The following TENM1 variants were observed in gnomAD, a reference collection of about 807,000 sequenced individuals.
TENM1 encodes the protein teneurin transmembrane protein 1, also known as teneurin-1.
Under a neutral mutation model 174.8 loss-of-function variants are expected in TENM1, and 35 were observed. The observed-to-expected ratio is 0.20, with a 90% CI of 0.15 to 0.27. The LOEUF (loss-of-function observed/expected upper bound fraction) is 0.27. Ranked by LOEUF, TENM1 falls within the 10% of genes least tolerant of loss-of-function variation. The probability of loss-of-function intolerance (pLI) is 1.00; values close to 1 mark genes in which losing one functional copy is unlikely to be tolerated. For missense variants in TENM1, 1,633 were observed against 2,130.1 expected (o/e 0.77, Z 4.59); for synonymous variants, 781 against 798.7 (o/e 0.98, Z 0.37).
intron 1 of TENM1, among the ~76,000 whole-genome samples, chrX:124,961,950 A>G (rs2058660320): frequency 1.8e-5 from 2 of 111,885 alleles, no homozygotes; most frequent in Admixed American, 1.9e-4. Context: ...GAAAATGGAA[A>G]GGAGAAAATG....
chrX:124,724,821 G>A (rs997684635), intron 4 of TENM1, among the ~76,000 whole-genome samples: 4 of 111,278 alleles, frequency 3.6e-5, no homozygotes, highest in African/African-American at 1.3e-4. Flanking sequence ...TGTTGAAATC[G>A]AATCCCCAAT....
intron 6 of TENM1, among the ~76,000 whole-genome samples, chrX:124,668,148 A>G (rs2051819935): frequency 9.0e-6 from 1 of 111,411 alleles, no homozygotes; most frequent in Non-Finnish European, 1.9e-5. Context: ...TTCTTTGTAG[A>G]TTCTGGATAT....
At chrX:124,804,263 T>A (rs2055533702) in intron 3 of TENM1, among the ~76,000 whole-genome samples, 1 of 112,124 alleles carries the variant, frequency 8.9e-6, no homozygotes, top group African/African-American at 3.2e-5. Context: ...ACATTTTTCA[T>A]GTTTAAAAAA....
the TENM1 span, among the ~76,000 whole-genome samples, chrX:125,152,148 G>A: frequency 9.1e-6 from 1 of 109,546 alleles, no homozygotes; most frequent in Non-Finnish European, 1.9e-5. Flanking sequence ...CCAGCTACTC[G>A]GGAGGCTGAG....
At chrX:124,517,433 C>A (rs1371972239) in intron 18 of TENM1, among the ~76,000 whole-genome samples, 1 of 109,579 alleles carries the variant, frequency 9.1e-6, no homozygotes, top group African/African-American at 3.3e-5. Flanking sequence ...CAATGATAGA[C>A]TGGATTAAGA....
intron 11 of TENM1, among the ~76,000 whole-genome samples, chrX:124,629,711 T>G (rs1331969861): frequency 8.9e-6 from 1 of 112,184 alleles, no homozygotes. Flanking sequence ...GGCCTGGGAT[T>G]TGAGTTCATT....
intron 3 of TENM1, among the ~76,000 whole-genome samples, chrX:124,843,104 T>G (rs893285326): frequency 3.6e-5 from 4 of 111,379 alleles, no homozygotes; most frequent in Admixed American, 2.9e-4. Flanking sequence ...GAGTATCATT[T>G]TTGCCTTGTC....
At chrX:125,088,734 A>C in the TENM1 span, among the ~76,000 whole-genome samples, 1 of 110,752 alleles carries the variant, frequency 9.0e-6, no homozygotes, top group African/African-American at 3.3e-5. Context: ...TCTAAAAGTC[A>C]ATGTGAGATA....
chrX:124,972,057 A>G, the TENM1 span, among the ~76,000 whole-genome samples: 4 of 109,181 alleles, frequency 3.7e-5, no homozygotes, highest in Non-Finnish European at 7.6e-5. Flanking sequence ...ACATGGTGAA[A>G]CCCCGTCTCT....
At chrX:124,755,294 G>C (rs1273178028) in intron 3 of TENM1, among the ~76,000 whole-genome samples, 2 of 110,471 alleles carry the variant, frequency 1.8e-5, no homozygotes, top group African/African-American at 3.3e-5. Flanking sequence ...TGTTTTATCA[G>C]AGACTAGGAT....
At chrX:124,499,459 T>C (rs2047277071) in intron 19 of TENM1, among the ~76,000 whole-genome samples, 1 of 111,976 alleles carries the variant, frequency 8.9e-6, no homozygotes, top group Non-Finnish European at 1.9e-5. Flanking sequence ...TGGCTACTTT[T>C]GCAACACATG....
chrX:125,051,159 AAGG>A, the TENM1 span, among the ~76,000 whole-genome samples: 1 of 111,633 alleles, frequency 9.0e-6, no homozygotes, highest in African/African-American at 3.3e-5. Context: ...GGACCTCTTC[AAGG>A]AGAACTACAA....
At chrX:124,890,711 A>C (rs1486656650) in intron 3 of TENM1, among the ~76,000 whole-genome samples, 1 of 110,658 alleles carries the variant, frequency 9.0e-6, no homozygotes, top group Non-Finnish European at 1.9e-5. Context: ...AAATGGGAAC[A>C]CTTATATACT....
At position 124,884,724 on chromosome X, in the gene TENM1, T is replaced by C. The variant is rs1456663616; in HGVS notation, c.535+9572A>G. ...GATTACTAGCTATTTTGGTTCTTCT[T>C]TGTGGAGGAGGTAAGTACCAGATGC... On this transcript the variant is annotated intron_variant, in intron 3 of 31. Coordinates refer to ENST00000422452, the Ensembl canonical transcript of TENM1. Among the ~76,000 whole-genome samples, 2 of 112,127 alleles carry C rather than the reference T, an allele frequency of 1.8e-5. 1 individual carries two copies.
intron 1 of TENM1, among the ~76,000 whole-genome samples, chrX:124,955,269 C>T (rs778777283): frequency 5.4e-5 from 6 of 111,180 alleles, no homozygotes; most frequent in African/African-American, 1.6e-4. Flanking sequence ...TGCCTGAGTC[C>T]CGCCCACTGG....
chrX:124,651,887 T>C, intron 8 of TENM1, 27 bp downstream of exon 11: 1 of 1,199,289 alleles, frequency 8.3e-7, no homozygotes, highest in Non-Finnish European at 1.1e-6. Context: ...GAACTGTCAA[T>C]TCAACATATT....
chrX:124,671,616 C>A (rs758882497), intron 6 of TENM1, 67 bp downstream of exon 9: 29 of 1,050,353 alleles, frequency 2.8e-5, no homozygotes, highest in Non-Finnish European at 3.5e-5. Context: ...GAAACCATCC[C>A]AGCTACAGTT....
chrX:124,904,026 C>A (rs1265438280), intron 1 of TENM1, among the ~76,000 whole-genome samples: 4 of 111,185 alleles, frequency 3.6e-5, no homozygotes, highest in Non-Finnish European at 5.7e-5. Flanking sequence ...ATTATGTTCA[C>A]TAAGTATGTG....
At chrX:124,973,251 C>T in the TENM1 span, among the ~76,000 whole-genome samples, 2 of 111,218 alleles carry the variant, frequency 1.8e-5, no homozygotes, top group Non-Finnish European at 3.8e-5. Flanking sequence ...CTGTTCTGTT[C>T]CATTGGTCTA....
Sources: allele counts gnomAD v4.1 joint callset (sites outside exome capture counted in the v4.1 genomes callset), GRCh38; gene constraint gnomAD v4.1.1; transcripts MANE v1.5; gene names NCBI Gene and HGNC (gene_info 2026-07-23, HGNC 2026-07-21).